The following PTPRZ1 variants were observed in gnomAD, a reference collection of about 807,000 sequenced individuals.
The protein encoded by PTPRZ1 is receptor-type tyrosine-protein phosphatase zeta.
PTPRZ1 carries 82 observed loss-of-function variants against 214.1 expected under a neutral mutation model. The ratio of observed to expected loss-of-function variants is 0.38; its 90% CI spans 0.32 to 0.46. The LOEUF (loss-of-function observed/expected upper bound fraction) is 0.46, where lower values mean the gene tolerates loss of function less well. PTPRZ1 is among the 20% of genes least tolerant of loss of function. The pLI is 1.00. For missense variants in PTPRZ1, 2,603 were observed against 2,748.7 expected (o/e 0.95, Z 1.19); for synonymous variants, 945 against 987.9 (o/e 0.96, Z 0.81).
At chr7:121,932,770 T>C (rs1795963306) in intron 2 of PTPRZ1, among the ~76,000 whole-genome samples, 1 of 152,118 alleles carries the variant, frequency 6.6e-6, no homozygotes, top group South Asian at 2.1e-4. Flanking sequence ...ACAATTATGA[T>C]ATATGAAGTA....
chr7:122,012,601 C>T lies in PTPRZ1; in HGVS notation c.3555C>T (p.Ser1185=), dbSNP rs377315463. 8.7e-6 allele frequency: 14 copies of T among 1,613,520 alleles called. No homozygotes were observed. Among genetic ancestry groups the T allele is most frequent in the Non-Finnish European group, 1.2e-5 (14 of 1,179,478 alleles). The change falls in exon 12 of 30, where the codon TCC becomes TCT. Residue 1185 remains serine, a synonymous_variant. Transcript: ENST00000393386. ...SFSTEVLLQP[S]FQASDVDTLL... ...GTACTGAAGTATTGCTACAACCTTC[C>T]TTTCAGGCTTCTGATGTTGACACCT...
intron 5 of PTPRZ1, among the ~76,000 whole-genome samples, chr7:121,976,566 A>G (rs1476624037): frequency 6.6e-6 from 1 of 152,170 alleles, no homozygotes; most frequent in Non-Finnish European, 1.5e-5. Context: ...GTAACTATGA[A>G]TCATAAAATT....
intron 3 of PTPRZ1, 41 bp from the exon 4 acceptor site, chr7:121,972,500 G>T: frequency 6.6e-7 from 1 of 1,507,492 alleles, no homozygotes; most frequent in South Asian, 1.3e-5. Context: ...TTAAAATTTT[G>T]ATTTTCAGAA....
At chr7:121,921,123 A>G (rs1240351898) in intron 1 of PTPRZ1, among the ~76,000 whole-genome samples, 1 of 151,870 alleles carries the variant, frequency 6.6e-6, no homozygotes, top group Non-Finnish European at 1.5e-5. Context: ...TGTCATAAAG[A>G]TCAAAATTAT....
intron 27 of PTPRZ1, among the ~76,000 whole-genome samples, chr7:122,056,563 C>G (rs890747626): frequency 4.0e-5 from 6 of 151,802 alleles, no homozygotes; most frequent in Non-Finnish European, 7.4e-5. Context: ...GTCTATGCTA[C>G]TGAGCTCAAA....
intron 13 of PTPRZ1, among the ~76,000 whole-genome samples, chr7:122,020,889 C>T (rs1798996854): frequency 6.6e-6 from 1 of 152,020 alleles, no homozygotes; most frequent in Non-Finnish European, 1.5e-5. Context: ...ATCCATAATC[C>T]ATAAATGTGT....
intron 13 of PTPRZ1, 78 bp from the exon 14 acceptor site, chr7:122,028,474 C>A: frequency 9.1e-7 from 1 of 1,095,726 alleles, no homozygotes; most frequent in Non-Finnish European, 1.4e-6. Context: ...AGATTTCTAT[C>A]AAAATTTTCA....
intron 11 of PTPRZ1, 102 bp from the exon 12 acceptor site, chr7:122,010,232 G>A: frequency 8.5e-7 from 1 of 1,169,898 alleles, no homozygotes; most frequent in African/African-American, 1.5e-5. Context: ...AGGATGAGAA[G>A]TTCCCAAGAT....
At chr7:121,875,058 AT>A (rs1794011333) in intron 1 of PTPRZ1, among the ~76,000 whole-genome samples, 6 of 150,268 alleles carry the variant, frequency 4.0e-5, no homozygotes, top group Non-Finnish European at 7.4e-5. Flanking sequence ...AAAAAAAAAG[AT>A]AAAATTCACA....
intron 8 of PTPRZ1, among the ~76,000 whole-genome samples, chr7:121,993,623 C>T (rs1798041846): frequency 6.7e-6 from 1 of 149,202 alleles, no homozygotes; most frequent in Non-Finnish European, 1.5e-5. Flanking sequence ...GATAATTGGG[C>T]TGATTTCAAT....
chr7:122,001,743 T>C (rs1798331652), intron 10 of PTPRZ1, among the ~76,000 whole-genome samples: 1 of 152,208 alleles, frequency 6.6e-6, no homozygotes, highest in Non-Finnish European at 1.5e-5. Flanking sequence ...ATGTGTTTTT[T>C]TTAATTTAAC....
At chr7:121,904,631 A>G (rs1795066001) in intron 1 of PTPRZ1, among the ~76,000 whole-genome samples, 1 of 152,180 alleles carries the variant, frequency 6.6e-6, no homozygotes, top group South Asian at 2.1e-4. Context: ...CCTTATTTAT[A>G]AAAATGTTAT....
Position 122,031,373 on chromosome 7 carries a change from A to G in PTPRZ1, c.5081-101A>G, listed in dbSNP as rs928568981. On this transcript the variant is annotated intron_variant, in intron 14 of 29. Transcript: ENST00000393386. ...TGAATGCTGAGATTTAGTTAGAATT[A>G]TACAAATAATTGAAGTTGTTTCAGA... 11 of 803,176 alleles carry G rather than the reference A, an allele frequency of 1.4e-5. No individual in the cohort carries two copies. The African/African-American group carries it at 1.4e-4, about 10-fold the overall frequency. 49.8% of individuals were successfully genotyped at this position (803,176 alleles called of 1,614,324 possible).
In PTPRZ1 at chr7:121,984,065, C is replaced by T; in HGVS notation, c.876C>T (p.Phe292=). Reference sequence around the variant, plus strand: ...ATTTTCGAGAGCAACAGTACAAGTTCTCTAGACAGGTGTTTTCCTCATACA... The same window carrying T: ...ATTTTCGAGAGCAACAGTACAAGTTTTCTAGACAGGTGTTTTCCTCATACA... ...QNNFREQQYK[F]SRQVFSSYTG... is the part of the protein sequence containing the mutation. Residue 292 remains phenylalanine, a synonymous_variant, in exon 8 of 30, where the codon TTC becomes TTT. Transcript: ENST00000393386. 1.9e-6 allele frequency: 3 copies of T among 1,613,538 alleles called. No homozygotes were observed. In the African/African-American group the frequency reaches 4.0e-5, roughly 22 times the overall value.
In PTPRZ1 at chr7:122,027,612, C is replaced by T. The variant is rs187381190; in HGVS notation, c.4989-940C>T. 2.0e-5 allele frequency among the ~76,000 whole-genome samples: 3 copies of T among 152,214 alleles called. No individual in the cohort carries two copies. The East Asian group carries it at 5.8e-4, about 29-fold the overall frequency. On this transcript the variant is annotated intron_variant, in intron 13 of 29. Transcript: ENST00000393386. ...TCAATTTAACCACTCATGAATATTG[C>T]TCCAAATAAATTAAATGACCTACAT...
At chr7:121,974,790 C>G (rs1211621) in intron 4 of PTPRZ1, among the ~76,000 whole-genome samples, 91,260 of 152,016 alleles carry the variant, frequency 0.6, 27,969 homozygotes, top group African/African-American at 0.72. Flanking sequence ...GCCCAGTCTT[C>G]TTTGTTGTTT....
intron 20 of PTPRZ1, 87 bp from the exon 21 acceptor site, chr7:122,040,729 C>CGT (rs3993671): frequency 0.04 from 19,588 of 486,668 alleles, 499 homozygotes; most frequent in Admixed American, 0.065. Context: ...GTTGAAGAAC[C>CGT]GTGTGTGTGT....
chr7:121,965,392 GTGTTTTT>G (rs1563040852), intron 2 of PTPRZ1, among the ~76,000 whole-genome samples: 2 of 151,996 alleles, frequency 1.3e-5, no homozygotes, highest in South Asian at 2.1e-4. Context: ...CACTGGTTGG[GTGTTTTT>G]TGTTTTTTGT....
chr7:121,965,128 A>C (rs758153704), intron 2 of PTPRZ1, among the ~76,000 whole-genome samples: 3 of 152,178 alleles, frequency 2.0e-5, no homozygotes. Context: ...AATTACTACA[A>C]ATTTACCACC....
Sources: allele counts gnomAD v4.1 joint callset (sites outside exome capture counted in the v4.1 genomes callset), GRCh38; gene constraint gnomAD v4.1.1; transcripts MANE v1.5; gene names NCBI Gene and HGNC (gene_info 2026-07-23, HGNC 2026-07-21).